The following PLXND1 variants were observed in gnomAD, a reference collection of about 807,000 sequenced individuals.
PLXND1 encodes the protein plexin-D1.
PLXND1 carries 54 observed loss-of-function variants against 197.7 expected under a neutral mutation model. That is an observed-to-expected ratio of 0.27 (90% CI 0.22 to 0.34). The LOEUF (loss-of-function observed/expected upper bound fraction) is 0.34. PLXND1 is among the 10% of genes least tolerant of loss of function. The probability of loss-of-function intolerance (pLI) is 1.00; values close to 1 mark genes in which losing one functional copy is unlikely to be tolerated. For missense variants in PLXND1, 2,127 were observed against 2,699.2 expected, an observed-to-expected ratio of 0.79 and a Z score of 4.70; for synonymous variants, 1,180 against 1,161.2, an observed-to-expected ratio of 1.02 and a Z score of -0.33.
Position 129,575,449 on chromosome 3 carries a change from G to C in PLXND1, c.2530+20C>G. ...TGCACTGAGGCCCCGAGGCCATGTG[G>C]GGCGGGTGGGGGTGCCCACCTGTCA... On this transcript the variant is annotated intron_variant, in intron 11 of 35. Transcript: ENST00000324093. 6.7e-7 allele frequency: 1 copy of C among 1,489,644 alleles called. No individual in the cohort carries two copies. The highest frequency in any genetic ancestry group is 9.2e-7 in the Non-Finnish European group (1 of 1,090,808). 92.3% of individuals were successfully genotyped at this position (1,489,644 alleles called of 1,614,324 possible). A position where few individuals can be genotyped will look rare whatever the true frequency, so the allele number is the denominator to read the frequency against.
intron 27 of PLXND1, 45 bp downstream of exon 27, chr3:129,562,742 G>T (rs564890664): frequency 8.4e-6 from 13 of 1,555,152 alleles, no homozygotes; most frequent in South Asian, 1.2e-5. Context: ...GGCCAGCCCC[G>T]GCTGAAGCGC....
chr3:129,574,284 C>T, intron 12 of PLXND1, 52 bp downstream of exon 12: 2 of 1,512,234 alleles, frequency 1.3e-6, no homozygotes, highest in Non-Finnish European at 1.8e-6. Context: ...GGGCACTGCG[C>T]ATGCGCCGTG....
In PLXND1 at chr3:129,556,259, C is replaced by A; in HGVS notation, c.*53G>T. ...CACGGGGTAGAAGATCAAGTTGAGGCCCAGTGGGCGTCCATTTCTCCCAGC... is the reference window on the plus strand; with the variant it reads ...CACGGGGTAGAAGATCAAGTTGAGGACCAGTGGGCGTCCATTTCTCCCAGC... On this transcript the variant is annotated 3_prime_UTR_variant, in exon 36 of 36. Coordinates refer to ENST00000324093, the MANE Select transcript of PLXND1 (RefSeq NM_015103.3). 8.5e-7 allele frequency: 1 copy of A among 1,177,478 alleles called. No homozygotes were observed. Among genetic ancestry groups the A allele is most frequent in the South Asian group, 1.2e-5 (1 of 80,410 alleles). 72.9% of individuals were successfully genotyped at this position (1,177,478 alleles called of 1,614,324 possible). A position where few individuals can be genotyped will look rare whatever the true frequency, so the allele number is the denominator to read the frequency against.
rs77335969 is a variant in PLXND1, at chr3:129,574,522, C to T, written c.2531-32G>A. 1,187 of 1,601,682 alleles carry T rather than the reference C, an allele frequency of 7.4e-4. 8 individuals are homozygous for T. The African/African-American group carries it at 0.011, about 15-fold the overall frequency. ...AGACACGGGGCAGCTCGGTCAGCCCCGCTCTGCGGTGCATGCCCCAACACC... is the reference window on the plus strand; with the variant it reads ...AGACACGGGGCAGCTCGGTCAGCCCTGCTCTGCGGTGCATGCCCCAACACC... On this transcript the variant is annotated intron_variant, in intron 11 of 35. Coordinates refer to ENST00000324093, the MANE Select transcript of PLXND1 (RefSeq NM_015103.3).
At chr3:129,580,792 G>A (rs572042989) in intron 8 of PLXND1, among the ~76,000 whole-genome samples, 2 of 151,882 alleles carry the variant, frequency 1.3e-5, no homozygotes, top group Non-Finnish European at 2.9e-5. Context: ...ACAACCCAGG[G>A]ACCCTGAATC....
Position 129,562,930 on chromosome 3 carries a change from G to A in PLXND1, c.4682C>T (p.Ser1561Phe), listed in dbSNP as rs2108766345. The A allele has an allele frequency of 6.2e-7, 1 of 1,603,862 alleles. No homozygotes were observed. The change falls in exon 27 of 36, where the codon TCC (serine) becomes TTC (phenylalanine). Residue 1561 changes from serine to phenylalanine, a missense_variant. Physicochemically the swap from Ser to Phe is radical, Grantham distance 155 (BLOSUM62 -2). Coordinates refer to ENST00000324093, the MANE Select transcript of PLXND1 (RefSeq NM_015103.3). Reference sequence around the variant, plus strand: ...CGAGTCCATGCCACAGCCCTGGAAGGACACGTTCAGGTTCTGCAGGGGGAG... The same window carrying A: ...CGAGTCCATGCCACAGCCCTGGAAGAACACGTTCAGGTTCTGCAGGGGGAG... ...IEAKPRNLNV[S>F]FQGCGMDSLS...
At position 129,572,889 on chromosome 3, in the gene PLXND1, C is replaced by G; in HGVS notation, c.2890G>C (p.Val964Leu). Residue 964 changes from valine to leucine, a missense_variant, in exon 14 of 36, where the codon GTG (valine) becomes CTG (leucine). Around this residue, in one of 6 missense-constraint regions of PLXND1, gnomAD observed 1,095 missense variants for 1,259.8 expected, o/e 0.87. Coordinates refer to ENST00000324093, the MANE Select transcript of PLXND1 (RefSeq NM_015103.3). ...GACTTGCCCTCCTTAGAGGCGTTCA[C>G]GGTCACCACACCTGAGAGTGGTCCT... ...APGPLSGVVT[V>L]NASKEGKSRD... 1.9e-6 allele frequency: 3 copies of G among 1,613,944 alleles called. No homozygotes were observed. The highest frequency in any genetic ancestry group is 2.5e-6 in the Non-Finnish European group (3 of 1,179,916).
intron 1 of PLXND1, among the ~76,000 whole-genome samples, chr3:129,597,190 A>C (rs2085637989): frequency 6.6e-6 from 1 of 152,328 alleles, no homozygotes; most frequent in Non-Finnish European, 1.5e-5. Context: ...GAATGGCTAG[A>C]TCCAAGCCTC....
chr3:129,578,411 G>T lies in PLXND1; in HGVS notation c.2264C>A (p.Thr755Asn), dbSNP rs2085343574. ...NPTSPQDCPR[T>N]LLSPLAPVPT... ...CACGGGTGCCAGGGGTGAGAGCAGG[G>T]TCCGGGGGCAGTCCTGAGGGCTCTG... Residue 755 changes from threonine to asparagine, a missense_variant, in exon 9 of 36, where the codon ACC (threonine) becomes AAC (asparagine). Coordinates refer to ENST00000324093, the MANE Select transcript of PLXND1 (RefSeq NM_015103.3). 6.2e-7 allele frequency: 1 copy of T among 1,600,152 alleles called. No individual in the cohort carries two copies.
Position 129,573,575 on chromosome 3 carries a change from G to A in PLXND1, c.2837+19C>T, listed in dbSNP as rs2108777756. On this transcript the variant is annotated intron_variant, in intron 13 of 35. Transcript: ENST00000324093. ...TGGCACTGCTGGAGAAGGTAGGTGG[G>A]GGCACCGTGGCTACTCACTCCTCCG... 1.2e-6 allele frequency: 2 copies of A among 1,607,918 alleles called. No individual in the cohort carries two copies. Among genetic ancestry groups the A allele is most frequent in the Non-Finnish European group, 1.7e-6 (2 of 1,176,606 alleles).
Position 129,556,275 on chromosome 3 carries a change from T to A in PLXND1, c.*37A>T. ...AAGTTGAGGCCCAGTGGGCGTCCAT[T>A]TCTCCCAGCAGCAGCCTGACCAACT... On this transcript the variant is annotated 3_prime_UTR_variant, in exon 36 of 36. Transcript: ENST00000324093. The A allele has an allele frequency of 7.1e-7, 1 of 1,405,902 alleles. No individual in the cohort carries two copies. The highest frequency in any genetic ancestry group is 1.0e-6 in the Non-Finnish European group (1 of 991,318). The allele number at this position is 1,405,902 out of a possible 1,614,324, so 87.1% of individuals were successfully genotyped here. A position where few individuals can be genotyped will look rare whatever the true frequency, so the allele number is the denominator to read the frequency against.
In PLXND1 at chr3:129,584,578, C is replaced by A. The variant is rs368092605; in HGVS notation, c.1852-16G>T. On this transcript the variant is annotated splice_polypyrimidine_tract_variant and intron_variant, in intron 5 of 35. Transcript: ENST00000324093. ...GGATCATGCCCTGGGGGCAAGGAGC[C>A]CTCAGCTCTGGGGGTCCAGGCTATG... 5 of 1,590,656 alleles carry A rather than the reference C, an allele frequency of 3.1e-6. No homozygotes were observed. In the South Asian group the frequency reaches 5.8e-5, roughly 18 times the overall value.
At position 129,555,592 on chromosome 3, in the gene PLXND1, C is replaced by T. The variant is rs1253500127; in HGVS notation, c.*720G>A. 4.7e-6 allele frequency: 3 copies of T among 638,720 alleles called. No homozygotes were observed. The Admixed American group carries it at 8.9e-5, about 19-fold the overall frequency. 39.6% of individuals were successfully genotyped at this position (638,720 alleles called of 1,614,324 possible). On this transcript the variant is annotated 3_prime_UTR_variant, in exon 36 of 36. Transcript: ENST00000324093. The stretch of plus-strand genomic sequence containing the variant: ...TCTTTAGAAACACTTTCAGCAAGAT[C>T]AAGTAGCCCAGCTACAGCCTCGGTG...
intron 1 of PLXND1, among the ~76,000 whole-genome samples, chr3:129,601,384 C>T (rs896367066): frequency 1.1e-4 from 17 of 152,138 alleles, no homozygotes; most frequent in African/African-American, 3.9e-4. Flanking sequence ...CCCGGAATGT[C>T]GGGAGGCCAT....
chr3:129,571,423 A>T (rs2085225857), intron 17 of PLXND1, 86 bp downstream of exon 17: 1 of 1,517,530 alleles, frequency 6.6e-7, no homozygotes, highest in African/African-American at 1.4e-5. Context: ...GGGGACAGAG[A>T]TGCAGTGGGA....
intron 12 of PLXND1, 109 bp from the exon 13 acceptor site, chr3:129,573,854 CT>C: frequency 8.0e-7 from 1 of 1,252,690 alleles, no homozygotes; most frequent in Non-Finnish European, 1.1e-6. Flanking sequence ...AGACCCACTG[CT>C]TAGAGGAAGG....
At chr3:129,604,490 G>T (rs1365636791) in intron 1 of PLXND1, among the ~76,000 whole-genome samples, 3 of 152,226 alleles carry the variant, frequency 2.0e-5, no homozygotes, top group African/African-American at 7.2e-5. Context: ...GAGAATAGAG[G>T]CTACCTGAGA....
intron 20 of PLXND1, among the ~76,000 whole-genome samples, chr3:129,568,959 T>C (rs1313185711): frequency 6.6e-6 from 1 of 152,204 alleles, no homozygotes. Flanking sequence ...TCACTCCCCA[T>C]TCGTGTTCTC....
intron 1 of PLXND1, among the ~76,000 whole-genome samples, chr3:129,595,388 GGGA>G (rs1278327628): frequency 3.3e-5 from 5 of 152,234 alleles, no homozygotes; most frequent in African/African-American, 9.6e-5. Context: ...CCCCATGCCA[GGGA>G]GGAGACCACC....
Sources: gnomAD v4.1 joint callset for allele counts (sites outside exome capture counted in the v4.1 genomes callset) on GRCh38, gnomAD v4.1.1 for gene constraint, gnomAD v4.1.1 regional missense constraint, MANE v1.5 for transcripts, NCBI Gene and HGNC (gene_info 2026-07-23, HGNC 2026-07-21) for gene names.